Variants in RAD18 observed in about 807,000 individuals in gnomAD.
The protein encoded by RAD18 is E3 ubiquitin-protein ligase RAD18.
Under a neutral mutation model 60.4 loss-of-function variants are expected in RAD18, and 47 were observed. The ratio of observed to expected loss-of-function variants is 0.78; its 90% CI spans 0.62 to 0.99. The LOEUF is 0.99. Among genes scored for constraint, RAD18 ranks in the 50% least tolerant of loss-of-function variants. RAD18 has a pLI of 0.00. For synonymous variants in RAD18, 225 were observed against 195.5 expected (o/e 1.15, Z -1.26); for missense variants, 640 against 593.3 (o/e 1.08, Z -0.82).
intron 7 of RAD18, among the ~76,000 whole-genome samples, chr3:8,920,360 T>A (rs1940295842): frequency 6.6e-6 from 1 of 150,910 alleles, no homozygotes; most frequent in East Asian, 1.9e-4. Context: ...ATGCCAAGTA[T>A]CAATTAGCAA....
rs1314733348 is a variant in RAD18 at position 8,902,491 on chromosome 3, G to A, written c.1057C>T (p.Leu353=). ...TATCCTTTTCTAGCCTGATCCACCA[G>A]AAGCTGAAATTCACTCTTATGTTTT... is the stretch of plus-strand genomic sequence containing the variant. ...RKKHKSEFQL[L]VDQARKGYKK... The change falls in exon 10 of 13, where the codon CTG becomes TTG. Residue 353 remains leucine, a synonymous_variant. Coordinates refer to ENST00000264926, the MANE Select transcript of RAD18 (RefSeq NM_020165.4). The A allele has an allele frequency of 1.9e-6, 3 of 1,607,336 alleles. No homozygotes were observed. The highest frequency in any genetic ancestry group is 2.5e-6 in the Non-Finnish European group (3 of 1,177,564).
intron 1 of RAD18, among the ~76,000 whole-genome samples, chr3:8,959,751 C>T (rs1941066196): frequency 6.6e-6 from 1 of 151,864 alleles, no homozygotes; most frequent in Non-Finnish European, 1.5e-5. Flanking sequence ...TTATTCCATT[C>T]AACAGAAATA....
Position 8,963,459 on chromosome 3 carries a change from C to A in RAD18, c.-74G>T. ...CTCCAACACCACTCGAAATTCCCCG[C>A]GCTACCGCATTACGTCAGCAGCCCG... On this transcript the variant is annotated 5_prime_UTR_variant, in exon 1 of 13. Coordinates refer to ENST00000264926, the MANE Select transcript of RAD18 (RefSeq NM_020165.4). 7.1e-7 allele frequency: 1 copy of A among 1,399,020 alleles called. No homozygotes were observed. Among genetic ancestry groups the A allele is most frequent in the Non-Finnish European group, 9.8e-7 (1 of 1,021,056 alleles). 86.7% of individuals were successfully genotyped at this position (1,399,020 alleles called of 1,614,324 possible).
chr3:8,890,565 G>A lies in RAD18; in HGVS notation c.1323-114C>T. ...CTATAGTGACAGAAAGCAAACCAGT[G>A]GTTACCAGTAAGAGGAAGGAGGGAG... On this transcript the variant is annotated intron_variant, in intron 11 of 12. Coordinates refer to ENST00000264926, the MANE Select transcript of RAD18 (RefSeq NM_020165.4). 5.7e-6 allele frequency: 4 copies of A among 707,020 alleles called. No individual in the cohort carries two copies. The South Asian group carries it at 6.6e-5, about 12-fold the overall frequency. The allele number at this position is 707,020 out of a possible 1,614,324, so 43.8% of individuals were successfully genotyped here.
chr3:8,939,617 C>A lies in RAD18; in HGVS notation c.641G>T (p.Ser214Ile). 3.7e-6 allele frequency: 6 copies of A among 1,612,914 alleles called. No individual in the cohort carries two copies. Among genetic ancestry groups the A allele is most frequent in the Non-Finnish European group, 5.1e-6 (6 of 1,179,238 alleles). The change falls in exon 6 of 13, where the codon AGT (serine) becomes ATT (isoleucine). Residue 214 changes from serine (S) to isoleucine (I), a missense_variant. By Grantham distance (142) the Ser-to-Ile change is moderately radical (BLOSUM62 -2). Coordinates refer to ENST00000264926, the MANE Select transcript of RAD18 (RefSeq NM_020165.4). The stretch of plus-strand genomic sequence containing the variant: ...GCTGTCTAAATGCTTATTAATGTGA[C>A]TTTCTGGAATGTTAACCCCGCAAAC... ...CPVCGVNIPE[S>I]HINKHLDSCL... is the part of the protein sequence containing the mutation.
At chr3:8,886,292 C>A (rs1939564210) in intron 12 of RAD18, among the ~76,000 whole-genome samples, 1 of 152,170 alleles carries the variant, frequency 6.6e-6, no homozygotes, top group Non-Finnish European at 1.5e-5. Context: ...GTTATGTCTA[C>A]ACTGCAAAAG....
intron 11 of RAD18, among the ~76,000 whole-genome samples, chr3:8,894,590 C>T (rs1490128475): frequency 6.6e-6 from 1 of 151,988 alleles, no homozygotes; most frequent in Non-Finnish European, 1.5e-5. Context: ...AGCTGACCTC[C>T]CACAATGAAA....
chr3:8,882,533 C>A (rs763355054), intron 12 of RAD18, among the ~76,000 whole-genome samples: 5 of 152,266 alleles, frequency 3.3e-5, no homozygotes, highest in Non-Finnish European at 7.4e-5. Context: ...TCAGGCTAGA[C>A]TGAGATAACA....
chr3:8,927,440 G>A (rs1371113296), intron 7 of RAD18, among the ~76,000 whole-genome samples: 19 of 152,180 alleles, frequency 1.2e-4, no homozygotes, highest in Non-Finnish European at 1.5e-5. Context: ...GGAGAAATAG[G>A]AACACTTTTA....
chr3:8,887,213 T>A (rs1172766528), intron 12 of RAD18, among the ~76,000 whole-genome samples: 2 of 152,216 alleles, frequency 1.3e-5, no homozygotes, highest in Non-Finnish European at 2.9e-5. Flanking sequence ...CACTAATCTG[T>A]AGTCTAACAA....
chr3:8,909,657 C>T (rs937405660), intron 9 of RAD18, among the ~76,000 whole-genome samples: 2 of 152,110 alleles, frequency 1.3e-5, no homozygotes, highest in Non-Finnish European at 2.9e-5. Context: ...TAAAGTTCTA[C>T]AAACAGCCAA....
intron 7 of RAD18, among the ~76,000 whole-genome samples, chr3:8,935,296 C>A (rs1478613469): frequency 6.6e-6 from 1 of 152,044 alleles, no homozygotes; most frequent in African/African-American, 2.4e-5. Context: ...AAGAACCAAC[C>A]ACTAAATAGT....
chr3:8,916,754 G>C (rs1478846527), intron 7 of RAD18, among the ~76,000 whole-genome samples: 1 of 151,518 alleles, frequency 6.6e-6, no homozygotes, highest in Non-Finnish European at 1.5e-5. Flanking sequence ...AAGAATCAGT[G>C]AACCTAAAAT....
chr3:8,949,137 C>G lies in RAD18; in HGVS notation c.134-567G>C, dbSNP rs45495591. Among the ~76,000 whole-genome samples, 613 of 152,252 alleles carry G rather than the reference C, an allele frequency of 4.0e-3. 1 individual carries two copies. The highest frequency in any genetic ancestry group is 6.4e-3 in the Admixed American group (98 of 15,288). On this transcript the variant is annotated intron_variant, in intron 2 of 12. Transcript: ENST00000264926. ...TACAGCATAATTCCGCATAATATAT[C>G]CTAACAATTTAAGCAGGAAATGGGC...
intron 7 of RAD18, among the ~76,000 whole-genome samples, chr3:8,926,024 C>T (rs1940427080): frequency 6.6e-6 from 1 of 151,374 alleles, no homozygotes; most frequent in African/African-American, 2.4e-5. Flanking sequence ...CCCTCTCTCA[C>T]CACTCCTATT....
chr3:8,945,446 C>CTAATGTGT (rs1314940777), intron 4 of RAD18, among the ~76,000 whole-genome samples: 3 of 147,304 alleles, frequency 2.0e-5, no homozygotes, highest in African/African-American at 7.5e-5. Context: ...TGGGCCTAGG[C>CTAATGTGT]TAATGTGTGT....
intron 4 of RAD18, among the ~76,000 whole-genome samples, chr3:8,944,997 C>G: frequency 6.6e-6 from 1 of 152,188 alleles, no homozygotes. Flanking sequence ...AGTAACAATA[C>G]AACAATGAAA....
intron 7 of RAD18, among the ~76,000 whole-genome samples, chr3:8,918,399 T>C (rs1318636865): frequency 1.3e-5 from 2 of 151,964 alleles, no homozygotes; most frequent in Non-Finnish European, 2.9e-5. Flanking sequence ...CTTAAATGTG[T>C]TTGCCCCTAA....
At chr3:8,937,242 T>C (rs1470719413) in intron 6 of RAD18, among the ~76,000 whole-genome samples, 7 of 152,206 alleles carry the variant, frequency 4.6e-5, no homozygotes, top group African/African-American at 1.7e-4. Context: ...ATTACGTCTG[T>C]ATCTAAAATA....
Sources: gnomAD v4.1 joint callset for allele counts (sites outside exome capture counted in the v4.1 genomes callset) on GRCh38, gnomAD v4.1.1 for gene constraint, MANE v1.5 for transcripts, NCBI Gene and HGNC (gene_info 2026-07-23, HGNC 2026-07-21) for gene names.